FARS2: variants seen among roughly 807,000 people sequenced by gnomAD.
The protein encoded by FARS2 is phenylalanine--tRNA ligase, mitochondrial.
A neutral mutation model predicts 46.4 loss-of-function variants in FARS2; 40 were observed. The observed-to-expected ratio is 0.86, with a 90% confidence interval of 0.67 to 1.12. The LOEUF (loss-of-function observed/expected upper bound fraction) is 1.12. Among genes scored for constraint, FARS2 ranks in the 50% most tolerant of loss-of-function variants. The pLI, the probability that FARS2 is intolerant of heterozygous loss-of-function variation, is 0.00. For missense variants in FARS2, 513 were observed against 567.9 expected (o/e 0.90, Z 0.98); for synonymous variants, 234 against 214.9 (o/e 1.09, Z -0.78).
chr6:5,269,684 C>G (rs930032780), intron 1 of FARS2, among the ~76,000 whole-genome samples: 4 of 152,092 alleles, frequency 2.6e-5, no homozygotes, highest in African/African-American at 9.7e-5. Flanking sequence ...TTACAAAAAA[C>G]AGCCTACATT....
At chr6:5,264,190 T>A (rs1013322159) in intron 1 of FARS2, among the ~76,000 whole-genome samples, 2 of 152,158 alleles carry the variant, frequency 1.3e-5, no homozygotes, top group African/African-American at 2.4e-5. Context: ...GAGGCTGCAT[T>A]GAGCCATGAT....
rs139838758 is a variant in FARS2, at chr6:5,622,092, C to T, written c.1217+8772C>T. ...CAGATCCCCTTGCATCAGGCTGCCT[C>T]CTGGGGTGCTGGGCCACCTGCACAT... On this transcript the variant is annotated intron_variant, in intron 6 of 6. Coordinates refer to ENST00000274680, the MANE Select transcript of FARS2 (RefSeq NM_006567.5). Among the ~76,000 whole-genome samples the T allele has an allele frequency of 5.3e-5, 8 of 152,356 alleles. No individual in the cohort carries two copies. The East Asian group carries it at 1.5e-3, about 29-fold the overall frequency.
chr6:5,408,863 C>T (rs1237355890), intron 3 of FARS2, among the ~76,000 whole-genome samples: 1 of 152,032 alleles, frequency 6.6e-6, no homozygotes, highest in Non-Finnish European at 1.5e-5. Context: ...GCACCGTAGC[C>T]TTATTGGTGC....
At chr6:5,509,970 G>A (rs558057099) in intron 4 of FARS2, among the ~76,000 whole-genome samples, 2 of 152,212 alleles carry the variant, frequency 1.3e-5, no homozygotes, top group Admixed American at 1.3e-4. Context: ...CTTTATGGTG[G>A]TGTTAACTGT....
chr6:5,487,395 C>T (rs1349632698), intron 4 of FARS2, among the ~76,000 whole-genome samples: 1 of 152,198 alleles, frequency 6.6e-6, no homozygotes, highest in Admixed American at 6.5e-5. Flanking sequence ...ATAGAACCAA[C>T]CAGCACTACA....
intron 6 of FARS2, among the ~76,000 whole-genome samples, chr6:5,690,843 CA>C (rs1465694900): frequency 6.6e-6 from 1 of 152,200 alleles, no homozygotes; most frequent in African/African-American, 2.4e-5. Context: ...ACCAATCAGA[CA>C]TAGATTTGGT....
At chr6:5,519,219 A>T (rs1348562964) in intron 4 of FARS2, among the ~76,000 whole-genome samples, 1 of 152,190 alleles carries the variant, frequency 6.6e-6, no homozygotes, top group East Asian at 1.9e-4. Context: ...CCATGTCAGA[A>T]CAGAAACTTG....
intron 1 of FARS2, among the ~76,000 whole-genome samples, chr6:5,299,789 GT>G (rs1768164119): frequency 6.6e-6 from 1 of 150,402 alleles, no homozygotes. Context: ...GCGGTGTTTG[GT>G]TTTCTGTCCT....
At position 5,765,524 on chromosome 6, in the gene FARS2, G is replaced by T. The variant is rs1185615772; in HGVS notation, c.1218-5767G>T. On this transcript the variant is annotated intron_variant, in intron 6 of 6. Coordinates refer to ENST00000274680, the MANE Select transcript of FARS2 (RefSeq NM_006567.5). The surrounding 1 kb of genome is among the most constrained non-coding windows in gnomAD (Gnocchi z 4.0). ...CAAGAGGTAAGCTCCTAGCAGGCAGGATAACCTGAAGCCCTCTGGTGGGCC... is the reference window on the plus strand; with the variant it reads ...CAAGAGGTAAGCTCCTAGCAGGCAGTATAACCTGAAGCCCTCTGGTGGGCC... 2.0e-5 allele frequency among the ~76,000 whole-genome samples: 3 copies of T among 152,092 alleles called. No homozygotes were observed. The highest frequency in any genetic ancestry group is 4.4e-5 in the Non-Finnish European group (3 of 68,012).
At chr6:5,389,316 C>T (rs1723363779) in intron 2 of FARS2, among the ~76,000 whole-genome samples, 2 of 152,298 alleles carry the variant, frequency 1.3e-5, no homozygotes, top group South Asian at 4.1e-4. Flanking sequence ...CTCCTCCCCT[C>T]CCTTGCCATC....
Position 5,471,737 on chromosome 6 carries a change from T to G in FARS2, c.904+40565T>G, listed in dbSNP as rs757991874. Among the ~76,000 whole-genome samples, 3 of 152,208 alleles carry G rather than the reference T, an allele frequency of 2.0e-5. No individual in the cohort carries two copies. Among genetic ancestry groups the G allele is most frequent in the Admixed American group, 2.0e-4 (3 of 15,290 alleles). ...TATTATGTGGTGATTAGAGCTGGGC[T>G]TCAATCAGCTGGATGATTCCCCAAG... On this transcript the variant is annotated intron_variant, in intron 4 of 6. Transcript: ENST00000274680. The surrounding 1 kb of genome is among the most constrained non-coding windows in gnomAD (Gnocchi z 4.1).
chr6:5,584,072 A>G lies in FARS2; in HGVS notation c.1066-29097A>G, dbSNP rs568392066. On this transcript the variant is annotated intron_variant, in intron 5 of 6. Transcript: ENST00000274680. ...TTAGTTCCAGTTTCTCCCCTTAGCT[A>G]GCTCCCCCCGACATTCTCTCTCTCT... 7.9e-5 allele frequency among the ~76,000 whole-genome samples: 10 copies of G among 126,674 alleles called. No individual in the cohort carries two copies. In the East Asian group the frequency reaches 2.9e-3, roughly 37 times the overall value. 83.1% of individuals were successfully genotyped at this position (126,674 alleles called of 152,430 possible).
intron 1 of FARS2, among the ~76,000 whole-genome samples, chr6:5,298,841 C>G (rs907412000): frequency 6.5e-5 from 7 of 107,312 alleles, no homozygotes; most frequent in African/African-American, 2.5e-4. Flanking sequence ...GCAGCCTGGG[C>G]AACAGAGCAA....
chr6:5,425,601 A>G (rs1433232705), intron 3 of FARS2, among the ~76,000 whole-genome samples: 2 of 152,150 alleles, frequency 1.3e-5, no homozygotes, highest in African/African-American at 2.4e-5. Context: ...AGAGCAGGCG[A>G]GGTACAGTGC....
chr6:5,734,533 G>T (rs1760830143), intron 6 of FARS2, among the ~76,000 whole-genome samples: 1 of 152,190 alleles, frequency 6.6e-6, no homozygotes, highest in South Asian at 2.1e-4. Context: ...TGACCCATCA[G>T]ATCAGAATCC....
chr6:5,620,942 C>T (rs1319255044), intron 6 of FARS2, among the ~76,000 whole-genome samples: 5 of 152,220 alleles, frequency 3.3e-5, no homozygotes, highest in African/African-American at 1.2e-4. Flanking sequence ...TCTCTTTCAC[C>T]TGAACTACGT....
chr6:5,506,694 G>A lies in FARS2; in HGVS notation c.905-38486G>A, dbSNP rs189439092. On this transcript the variant is annotated intron_variant, in intron 4 of 6. Coordinates refer to ENST00000274680, the MANE Select transcript of FARS2 (RefSeq NM_006567.5). ...GGAGCCTGGGAAGGATCTGCTTTGA[G>A]GGGAAAGAGCAGATTTAGCTAATAG... Among the ~76,000 whole-genome samples, 69 of 152,314 alleles carry A rather than the reference G, an allele frequency of 4.5e-4. No individual in the cohort carries two copies. In the East Asian group the frequency reaches 7.5e-3, roughly 17 times the overall value.
At chr6:5,421,611 C>A (rs549461729) in intron 3 of FARS2, among the ~76,000 whole-genome samples, 7 of 152,328 alleles carry the variant, frequency 4.6e-5, no homozygotes, top group African/African-American at 1.7e-4. Flanking sequence ...GAATGCTTTG[C>A]TGCTTAGATA....
intron 5 of FARS2, among the ~76,000 whole-genome samples, chr6:5,555,707 T>C (rs1771616831): frequency 6.6e-6 from 1 of 152,174 alleles, no homozygotes; most frequent in South Asian, 2.1e-4. Flanking sequence ...AGTATTTCCA[T>C]GTGTATTTTT....
Sources: allele counts gnomAD v4.1 joint callset (sites outside exome capture counted in the v4.1 genomes callset), GRCh38; gene constraint gnomAD v4.1.1; non-coding constraint Gnocchi (gnomAD v3.1); transcripts MANE v1.5; gene names NCBI Gene and HGNC (gene_info 2026-07-23, HGNC 2026-07-21).